The following NARF variants were observed in gnomAD, a reference collection of about 807,000 sequenced individuals.
NARF encodes iron-only hydrogenase-like protein 2.
NARF carries 41 observed loss-of-function variants against 48.0 expected under a neutral mutation model. The observed-to-expected ratio is 0.85, with a 90% CI of 0.66 to 1.11. The LOEUF is 1.11. Among genes scored for constraint, NARF ranks in the 50% least tolerant of loss-of-function variants. The pLI, the probability that NARF is intolerant of heterozygous loss-of-function variation, is 0.00. For synonymous variants in NARF, 215 were observed against 225.5 expected (o/e 0.95, Z 0.42); for missense variants, 613 against 590.2 (o/e 1.04, Z -0.40).
At chr17:82,462,162 G>A (rs950863258) in intron 2 of NARF, among the ~76,000 whole-genome samples, 2 of 152,198 alleles carry the variant, frequency 1.3e-5, no homozygotes, top group African/African-American at 4.8e-5. Context: ...CTAAGTGGGC[G>A]CCCTGCCAGG....
chr17:82,467,600 G>A (rs1016293490), intron 3 of NARF, among the ~76,000 whole-genome samples: 2 of 152,122 alleles, frequency 1.3e-5, no homozygotes, highest in Non-Finnish European at 2.9e-5. Context: ...CACCTCCCGG[G>A]TTCAAGCGAT....
intron 4 of NARF, 127 bp downstream of exon 4, chr17:82,469,023 TAAAAAGACC>T: frequency 1.9e-6 from 2 of 1,043,452 alleles, no homozygotes; most frequent in East Asian, 5.0e-5. Flanking sequence ...TCTTGGAACG[TAAAAAGACC>T]ATGTCCCGTG....
Position 82,481,092 on chromosome 17 carries a change from C to T in NARF, c.650C>T (p.Pro217Leu), listed in dbSNP as rs969480489. ...DYFARQQNLSPEKIFHVIVAP... is the reference protein window; with the variant it reads ...DYFARQQNLSLEKIFHVIVAP... Reference sequence around the variant, plus strand: ...GCCCCTCTCCCACAGAACCTGTCTCCAGAGAAGATTTTCCACGTCATTGTG... The same window carrying T: ...GCCCCTCTCCCACAGAACCTGTCTCTAGAGAAGATTTTCCACGTCATTGTG... Residue 217 changes from proline (P) to leucine (L), a missense_variant, in exon 7 of 11, where the codon CCA (proline) becomes CTA (leucine). Pro to Leu is a moderately conservative substitution (Grantham distance 98). Transcript: ENST00000309794. 4 of 1,614,096 alleles carry T rather than the reference C, an allele frequency of 2.5e-6. No homozygotes were observed. Among genetic ancestry groups the T allele is most frequent in the Non-Finnish European group, 2.5e-6 (3 of 1,180,018 alleles).
intron 7 of NARF, 75 bp from the exon 8 acceptor site, chr17:82,483,641 C>G: frequency 1.4e-6 from 2 of 1,434,670 alleles, no homozygotes; most frequent in Non-Finnish European, 2.0e-6. Context: ...TCACTAATGT[C>G]AAATCTCCTG....
intron 6 of NARF, chr17:82,479,171 A>G (rs2043904340): frequency 2.9e-6 from 1 of 339,076 alleles, no homozygotes; most frequent in Non-Finnish European, 5.5e-6. Flanking sequence ...TCCTGGGCCC[A>G]TTCGGGGTAG....
At chr17:82,471,656 G>T (rs566698823) in intron 4 of NARF, among the ~76,000 whole-genome samples, 1 of 148,436 alleles carries the variant, frequency 6.7e-6, no homozygotes, top group Non-Finnish European at 1.5e-5. Flanking sequence ...GCCGGGCGTG[G>T]TGGTGGGCGC....
chr17:82,468,745 T>G lies in NARF; in HGVS notation c.253-19T>G. The G allele has an allele frequency of 6.2e-7, 1 of 1,612,336 alleles. No homozygotes were observed. Among genetic ancestry groups the G allele is most frequent in the Admixed American group, 1.7e-5 (1 of 59,832 alleles). On this transcript the variant is annotated intron_variant, in intron 3 of 10. Transcript: ENST00000309794. ...TGTGTAATCAGCAGATACCTAACAT[T>G]CTCTATTTCTCCTTCTAGAAATGTG...
chr17:82,465,755 A>G (rs528496885), intron 3 of NARF, among the ~76,000 whole-genome samples: 60 of 152,130 alleles, frequency 3.9e-4, no homozygotes, highest in Non-Finnish European at 8.5e-4. Context: ...TTGTAGAGAC[A>G]GGGTTTTGCC....
intron 3 of NARF, among the ~76,000 whole-genome samples, chr17:82,466,197 G>A (rs1455552796): frequency 6.6e-6 from 1 of 152,190 alleles, no homozygotes; most frequent in Non-Finnish European, 1.5e-5. Flanking sequence ...CCTTGAAAGT[G>A]TCTGTGTCAC....
At chr17:82,485,468 G>A in intron 9 of NARF, 29 bp from the exon 10 acceptor site, 2 of 1,610,958 alleles carry the variant, frequency 1.2e-6, no homozygotes, top group African/African-American at 1.3e-5. Context: ...GGACTTGATG[G>A]ATCAAAATTC....
intron 5 of NARF, among the ~76,000 whole-genome samples, chr17:82,474,278 TA>T (rs1425913573): frequency 6.6e-6 from 1 of 152,046 alleles, no homozygotes; most frequent in Non-Finnish European, 1.5e-5. Flanking sequence ...TTTGCCAGCT[TA>T]AAAAAAATAC....
chr17:82,481,335 G>A (rs1217592544), intron 7 of NARF, 124 bp downstream of exon 7: 2 of 1,436,960 alleles, frequency 1.4e-6, no homozygotes, highest in Non-Finnish European at 1.9e-6. Context: ...TCGCTTGTCT[G>A]AAGTTACTGA....
At chr17:82,480,248 GGAA>G (rs1457167600) in intron 6 of NARF, among the ~76,000 whole-genome samples, 1 of 151,966 alleles carries the variant, frequency 6.6e-6, no homozygotes, top group Non-Finnish European at 1.5e-5. Context: ...GCATCGCTTG[GGAA>G]GATTCAGGAA....
chr17:82,487,447 G>A (rs945126400), intron 10 of NARF, among the ~76,000 whole-genome samples: 8 of 149,714 alleles, frequency 5.3e-5, no homozygotes, highest in Middle Eastern at 6.9e-3. Context: ...TTAGGCCACT[G>A]CACTCCAGCC....
At chr17:82,477,512 C>G (rs569063373) in intron 5 of NARF, 1 of 151,566 alleles carries the variant, frequency 6.6e-6, no homozygotes, top group South Asian at 2.1e-4. Context: ...AAAAAAAAAA[C>G]AAAAACAACC....
chr17:82,483,748 C>T lies in NARF; in HGVS notation c.802C>T (p.Leu268Phe), dbSNP rs886988217. The T allele has an allele frequency of 2.5e-6, 4 of 1,613,756 alleles. No individual in the cohort carries two copies. The highest frequency in any genetic ancestry group is 3.4e-6 in the Non-Finnish European group (4 of 1,179,994). Residue 268 changes from leucine (L) to phenylalanine (F), a missense_variant, in exon 8 of 11, where the codon CTC (leucine) becomes TTC (phenylalanine). Transcript: ENST00000309794. ...EIAQIMEQGD[L>F]SVRDAAVDTL... ...TGCTCAAATAATGGAGCAAGGTGACCTCTCAGTGAGAGATGCTGCCGTCGA... is the reference window on the plus strand; with the variant it reads ...TGCTCAAATAATGGAGCAAGGTGACTTCTCAGTGAGAGATGCTGCCGTCGA...
chr17:82,459,538 G>A, intron 1 of NARF: 1 of 160,566 alleles, frequency 6.2e-6, no homozygotes, highest in Non-Finnish European at 1.4e-5. Flanking sequence ...AGATGTGTGT[G>A]TGTCCTTCAG....
chr17:82,458,895 G>C, intron 1 of NARF, 65 bp downstream of exon 1: 1 of 1,299,974 alleles, frequency 7.7e-7, no homozygotes, highest in Non-Finnish European at 9.8e-7. Flanking sequence ...GGGCGGCCGA[G>C]GTTGGCGGTC....
At position 82,483,746 on chromosome 17, in the gene NARF, A is replaced by G; in HGVS notation, c.800A>G (p.Asp267Gly). The stretch of plus-strand genomic sequence containing the variant: ...ATTGCTCAAATAATGGAGCAAGGTG[A>G]CCTCTCAGTGAGAGATGCTGCCGTC... Reference protein sequence around the residue: ...GEIAQIMEQGDLSVRDAAVDT... With the variant: ...GEIAQIMEQGGLSVRDAAVDT... The change falls in exon 8 of 11, where the codon GAC (aspartate) becomes GGC (glycine). Residue 267 changes from aspartate to glycine, a missense_variant. Physicochemically the swap from Asp to Gly is moderately conservative, Grantham distance 94 (BLOSUM62 -1). Transcript: ENST00000309794. 1.9e-6 allele frequency: 3 copies of G among 1,613,728 alleles called. No individual in the cohort carries two copies. Among genetic ancestry groups the G allele is most frequent in the Middle Eastern group, 1.7e-4 (1 of 5,896 alleles).
Sources: gnomAD v4.1 joint callset for allele counts (sites outside exome capture counted in the v4.1 genomes callset) on GRCh38, gnomAD v4.1.1 for gene constraint, MANE v1.5 for transcripts, NCBI Gene and HGNC (gene_info 2026-07-23, HGNC 2026-07-21) for gene names.